DAP: variants seen among roughly 807,000 people sequenced by gnomAD.
DAP encodes death-associated protein 1.
A neutral mutation model predicts 13.8 loss-of-function variants in DAP; 8 were observed. The observed-to-expected ratio is 0.58, with a 90% CI of 0.34 to 1.05. DAP has a LOEUF of 1.05. Ranked by LOEUF, DAP falls within the 50% of genes least tolerant of loss-of-function variation. The pLI is 0.03. For synonymous variants in DAP, 47 were observed against 47.5 expected (o/e 0.99, Z 0.04); for missense variants, 106 against 133.2 (o/e 0.80, Z 1.01).
At chr5:10,706,444 T>A (rs1738700879) in intron 2 of DAP, among the ~76,000 whole-genome samples, 1 of 152,164 alleles carries the variant, frequency 6.6e-6, no homozygotes. Flanking sequence ...GGAACCAAAC[T>A]CACAAGTGTG....
Position 10,761,184 on chromosome 5 carries a change from G to T in DAP, c.-116C>A. ...GAGCGAGCGGGCGGGAGAACGACGCGCGCGCGTGGGGCGCCGGGGCCGCGC... is the reference window on the plus strand; with the variant it reads ...GAGCGAGCGGGCGGGAGAACGACGCTCGCGCGTGGGGCGCCGGGGCCGCGC... On this transcript the variant is annotated 5_prime_UTR_variant, in exon 1 of 4. Coordinates refer to ENST00000230895, the MANE Select transcript of DAP (RefSeq NM_004394.3). 2.1e-6 allele frequency: 1 copy of T among 476,308 alleles called. No homozygotes were observed. The allele number at this position is 476,308 out of a possible 1,614,324, so 29.5% of individuals were successfully genotyped here.
intron 2 of DAP, among the ~76,000 whole-genome samples, chr5:10,704,510 C>T (rs2930051): frequency 0.23 from 34,800 of 151,982 alleles, 4,158 homozygotes; most frequent in Middle Eastern, 0.36. Flanking sequence ...ACAGGTAAGA[C>T]GGTAAAACTG....
intron 2 of DAP, among the ~76,000 whole-genome samples, chr5:10,704,164 T>G (rs1738645703): frequency 6.6e-6 from 1 of 152,216 alleles, no homozygotes; most frequent in South Asian, 2.1e-4. Flanking sequence ...TTCAGGATTT[T>G]TCAAGTTTTA....
chr5:10,705,242 C>T (rs1373303324), intron 2 of DAP, among the ~76,000 whole-genome samples: 2 of 152,154 alleles, frequency 1.3e-5, no homozygotes, highest in Admixed American at 6.5e-5. Flanking sequence ...TACACACGGT[C>T]GTGACACATG....
chr5:10,752,026 T>C (rs1490805598), intron 1 of DAP, among the ~76,000 whole-genome samples: 1 of 152,230 alleles, frequency 6.6e-6, no homozygotes, highest in Non-Finnish European at 1.5e-5. Context: ...AACTCACAGA[T>C]GTGTTCATAA....
rs1257599854 is a variant in DAP, at chr5:10,692,349, T to TA, written c.153-8779dup. ...TGTAAAGCGATGCACTCTTGTGAGT[T>TA]AGAGCTGGACAGGAGGTTCCCTACC... On this transcript the variant is annotated intron_variant, in intron 2 of 3. Coordinates refer to ENST00000230895, the MANE Select transcript of DAP (RefSeq NM_004394.3). 2.8e-4 allele frequency among the ~76,000 whole-genome samples: 43 copies of TA among 152,326 alleles called. 1 individual carries two copies. The highest frequency in any genetic ancestry group is 8.9e-4 in the African/African-American group (37 of 41,568).
intron 2 of DAP, among the ~76,000 whole-genome samples, chr5:10,708,719 TGCAGGTG>T (rs1382468861): frequency 2.0e-5 from 3 of 152,220 alleles, no homozygotes; most frequent in African/African-American, 7.2e-5. Flanking sequence ...TGTGCGGTTG[TGCAGGTG>T]GACTCCTACA....
rs78733587 is a variant in DAP at position 10,700,753 on chromosome 5, G to T, written c.153-17182C>A. ...GCCGGCCTTGCTGCGGCAAGAGGGT[G>T]CTGGGCTCTCTGCAGCATTATAGGA... is the stretch of plus-strand genomic sequence containing the variant. On this transcript the variant is annotated intron_variant, in intron 2 of 3. Coordinates refer to ENST00000230895, the MANE Select transcript of DAP (RefSeq NM_004394.3). Among the ~76,000 whole-genome samples, 1,264 of 152,332 alleles carry T rather than the reference G, an allele frequency of 8.3e-3. 20 individuals carry two copies. Among genetic ancestry groups the T allele is most frequent in the African/African-American group, 0.028 (1,181 of 41,578 alleles).
chr5:10,740,817 A>C (rs953052370), intron 2 of DAP, among the ~76,000 whole-genome samples: 1 of 152,246 alleles, frequency 6.6e-6, no homozygotes, highest in Non-Finnish European at 1.5e-5. Flanking sequence ...ACAGAAACCC[A>C]GTGGGAAGAA....
intron 2 of DAP, among the ~76,000 whole-genome samples, chr5:10,722,454 A>C (rs1739165329): frequency 6.6e-6 from 1 of 151,950 alleles, no homozygotes; most frequent in Non-Finnish European, 1.5e-5. Flanking sequence ...GGGACCTTGT[A>C]ATTGTGTAAG....
intron 2 of DAP, among the ~76,000 whole-genome samples, chr5:10,733,239 T>C (rs986898019): frequency 6.6e-6 from 1 of 151,488 alleles, no homozygotes; most frequent in Non-Finnish European, 1.5e-5. Context: ...CATTCATCTG[T>C]TGATGGGCAC....
At chr5:10,704,735 T>C (rs557917186) in intron 2 of DAP, among the ~76,000 whole-genome samples, 1 of 152,304 alleles carries the variant, frequency 6.6e-6, no homozygotes, top group Non-Finnish European at 1.5e-5. Flanking sequence ...TCTGTTTGTG[T>C]GGCCTTTCAC....
chr5:10,714,185 C>G (rs1579800667), intron 2 of DAP, among the ~76,000 whole-genome samples: 1 of 152,178 alleles, frequency 6.6e-6, no homozygotes, highest in Non-Finnish European at 1.5e-5. Context: ...TCAGGACACC[C>G]ATGAACTAGG....
chr5:10,694,411 C>T (rs1738384209), intron 2 of DAP, among the ~76,000 whole-genome samples: 1 of 152,100 alleles, frequency 6.6e-6, no homozygotes, highest in East Asian at 1.9e-4. Flanking sequence ...CACACACACG[C>T]ACATACACAC....
intron 2 of DAP, among the ~76,000 whole-genome samples, chr5:10,703,727 T>C (rs966084319): frequency 6.6e-6 from 1 of 152,226 alleles, no homozygotes; most frequent in Non-Finnish European, 1.5e-5. Flanking sequence ...CAGTAGCTAG[T>C]GTCCTGGGGC....
intron 3 of DAP, chr5:10,683,308 C>A: frequency 1.6e-6 from 1 of 622,172 alleles, no homozygotes. Context: ...TTGGGTCTCA[C>A]CAGACGGCGG....
chr5:10,739,866 A>G (rs1317374304), intron 2 of DAP, among the ~76,000 whole-genome samples: 1 of 152,132 alleles, frequency 6.6e-6, no homozygotes, highest in African/African-American at 2.4e-5. Context: ...GGACTGATGT[A>G]AATATTATTT....
chr5:10,696,002 CA>C (rs1439059745), intron 2 of DAP, among the ~76,000 whole-genome samples: 1 of 152,004 alleles, frequency 6.6e-6, no homozygotes, highest in Non-Finnish European at 1.5e-5. Context: ...CTGGTTTAAA[CA>C]GGAGGGAACC....
intron 2 of DAP, among the ~76,000 whole-genome samples, chr5:10,726,637 AG>A (rs1469612257): frequency 6.6e-6 from 1 of 152,390 alleles, no homozygotes. Context: ...GAGGGACAAC[AG>A]GCGAGTCATA....
Sources: gnomAD v4.1 joint callset for allele counts (sites outside exome capture counted in the v4.1 genomes callset) on GRCh38, gnomAD v4.1.1 for gene constraint, MANE v1.5 for transcripts, NCBI Gene and HGNC (gene_info 2026-07-23, HGNC 2026-07-21) for gene names.